HERC2: variants seen among roughly 807,000 people sequenced by gnomAD.
The protein encoded by HERC2 is E3 ubiquitin-protein ligase HERC2.
A neutral mutation model predicts 537.7 loss-of-function variants in HERC2; 102 were observed. The ratio of observed to expected loss-of-function variants is 0.19; its 90% CI spans 0.16 to 0.22. HERC2 has a LOEUF of 0.22. HERC2 is among the 10% of genes least tolerant of loss of function. The pLI is 1.00. For synonymous variants in HERC2, 2,224 were observed against 2,466.2 expected (o/e 0.90, Z 2.91); for missense variants, 4,236 against 6,198.2 (o/e 0.68, Z 10.63).
chr15:28,163,387 G>A (rs1204823101), intron 68 of HERC2, 102 bp from the exon 69 acceptor site: 7 of 1,040,314 alleles, frequency 6.7e-6, no homozygotes, highest in Non-Finnish European at 9.8e-6. Flanking sequence ...GAATACCAAC[G>A]AGTAAGAAAC....
At position 28,268,287 on chromosome 15, in the gene HERC2, T is replaced by C. The variant is rs2075624162; in HGVS notation, c.1598+178A>G. On this transcript the variant is annotated intron_variant, in intron 12 of 92. Transcript: ENST00000261609. This position sits in a 1 kb window ranked among gnomAD's most constrained non-coding sequence, Gnocchi z 4.7. ...GCCAATTCCCGTTGCCCTCCACACA[T>C]GGGCAGAGCTCCTAAGCCATCACCA... is the stretch of plus-strand genomic sequence containing the variant. Among the ~76,000 whole-genome samples the C allele has an allele frequency of 6.6e-6, 1 of 152,106 alleles. No homozygotes were observed. The highest frequency in any genetic ancestry group is 1.5e-5 in the Non-Finnish European group (1 of 68,028).
intron 37 of HERC2, 117 bp downstream of exon 37, chr15:28,220,335 C>T: frequency 2.2e-6 from 2 of 894,198 alleles, no homozygotes; most frequent in South Asian, 1.4e-5. Context: ...GAGGACAGAG[C>T]GCCAGCTGCA....
chr15:28,122,821 C>T lies in HERC2; in HGVS notation c.13188+1216G>A, dbSNP rs955992622. On this transcript the variant is annotated intron_variant, in intron 85 of 92. Coordinates refer to ENST00000261609, the MANE Select transcript of HERC2 (RefSeq NM_004667.6). The surrounding 1 kb of genome is among the most constrained non-coding windows in gnomAD (Gnocchi z 4.1). ...CCAGCAGGTGCCAGATGCTGCTGCC[C>T]ACCGCTCCCCTACCACACACCAGCT... Among the ~76,000 whole-genome samples the T allele has an allele frequency of 3.9e-5, 6 of 152,040 alleles. No homozygotes were observed. The highest frequency in any genetic ancestry group is 3.9e-4 in the Admixed American group (6 of 15,262).
At chr15:28,270,023 G>A (rs1338600463) in intron 10 of HERC2, among the ~76,000 whole-genome samples, 3 of 152,138 alleles carry the variant, frequency 2.0e-5, no homozygotes, top group Admixed American at 6.5e-5. Flanking sequence ...GTGCAATGGC[G>A]CGATCTTGGC....
chr15:28,217,373 C>A (rs1490816024), intron 38 of HERC2, among the ~76,000 whole-genome samples: 1 of 152,208 alleles, frequency 6.6e-6, no homozygotes, highest in Admixed American at 6.5e-5. Flanking sequence ...CACACCATCA[C>A]ACTTGCAACA....
At chr15:28,275,851 T>C (rs1055806248) in intron 5 of HERC2, among the ~76,000 whole-genome samples, 5 of 151,950 alleles carry the variant, frequency 3.3e-5, no homozygotes, top group Non-Finnish European at 7.4e-5. Context: ...CAGCAAGTAA[T>C]TGTATGTTAT....
At chr15:28,303,329 G>A (rs555972679) in intron 2 of HERC2, among the ~76,000 whole-genome samples, 28 of 152,210 alleles carry the variant, frequency 1.8e-4, no homozygotes, top group African/African-American at 6.0e-4. Flanking sequence ...GTATAGATCT[G>A]TTTCTGGGTT....
At chr15:28,127,652 C>T (rs1261748268) in intron 83 of HERC2, among the ~76,000 whole-genome samples, 1 of 152,226 alleles carries the variant, frequency 6.6e-6, no homozygotes, top group East Asian at 1.9e-4. Context: ...GATGCCAGGG[C>T]TCCTTGGAGA....
intron 4 of HERC2, among the ~76,000 whole-genome samples, chr15:28,287,713 A>G (rs1191974377): frequency 7.1e-6 from 1 of 141,240 alleles, no homozygotes; most frequent in Non-Finnish European, 1.5e-5. Context: ...TATTATACTT[A>G]TTCCTCTTTT....
intron 83 of HERC2, among the ~76,000 whole-genome samples, chr15:28,128,734 G>A (rs558128477): frequency 9.9e-5 from 15 of 152,242 alleles, no homozygotes; most frequent in African/African-American, 2.6e-4. Flanking sequence ...GGATCCTTTC[G>A]CTCTGCAGGT....
intron 35 of HERC2, among the ~76,000 whole-genome samples, 199 bp from the exon 36 acceptor site, chr15:28,222,414 A>G (rs1171873092): frequency 3.9e-5 from 6 of 152,104 alleles, no homozygotes; most frequent in Admixed American, 6.5e-5. Context: ...ATACATAAAT[A>G]TCCTAGGAAG....
In HERC2 at chr15:28,286,407, T is replaced by C. The variant is rs763614331; in HGVS notation, c.323-6120A>G. 2.5e-4 allele frequency among the ~76,000 whole-genome samples: 38 copies of C among 152,166 alleles called. No homozygotes were observed. In the Middle Eastern group the frequency reaches 0.017, roughly 68 times the overall value. ...AGAATTAAACAATATATAAAAAGAA[T>C]TCCACATCATTGCCAAGTAGTTTCA... is the stretch of plus-strand genomic sequence containing the variant. On this transcript the variant is annotated intron_variant, in intron 4 of 92. Transcript: ENST00000261609.
At chr15:28,199,911 A>C (rs1350054777) in intron 48 of HERC2, among the ~76,000 whole-genome samples, 2 of 152,224 alleles carry the variant, frequency 1.3e-5, no homozygotes, top group African/African-American at 4.8e-5. Context: ...TTCAGCTACA[A>C]ATAAACAGCA....
At chr15:28,148,148 A>T (rs1596053424) in intron 70 of HERC2, among the ~76,000 whole-genome samples, 1 of 152,338 alleles carries the variant, frequency 6.6e-6, no homozygotes, top group Admixed American at 6.5e-5. Flanking sequence ...GAACATTTCA[A>T]AACAAATTGA....
In HERC2 at chr15:28,167,841, G is replaced by A; in HGVS notation, c.10414-14C>T. On this transcript the variant is annotated splice_polypyrimidine_tract_variant and intron_variant, in intron 67 of 92. Coordinates refer to ENST00000261609, the MANE Select transcript of HERC2 (RefSeq NM_004667.6). ...AGAGGAAACAATCTAGTCCAAGAGT[G>A]CACAGTAGGGGAAGTTTAAGTGGAA... 6.3e-7 allele frequency: 1 copy of A among 1,596,708 alleles called. No homozygotes were observed.
intron 85 of HERC2, among the ~76,000 whole-genome samples, chr15:28,123,165 A>G (rs188595900): frequency 2.6e-5 from 4 of 152,288 alleles, no homozygotes; most frequent in Non-Finnish European, 1.5e-5. Flanking sequence ...TGAAAGTAAA[A>G]TGAATGTACC....
chr15:28,231,324 A>G (rs1901816262), intron 30 of HERC2, among the ~76,000 whole-genome samples: 1 of 152,118 alleles, frequency 6.6e-6, no homozygotes, highest in Admixed American at 6.6e-5. Flanking sequence ...AGCCCTTGGA[A>G]CATCCTGCCT....
At chr15:28,174,922 A>T (rs1895110125) in intron 64 of HERC2, among the ~76,000 whole-genome samples, 1 of 151,964 alleles carries the variant, frequency 6.6e-6, no homozygotes, top group African/African-American at 2.4e-5. Flanking sequence ...AAGTGTAATA[A>T]TTTTTTCCCT....
chr15:28,116,798 C>T lies in HERC2; in HGVS notation c.13476G>A (p.Glu4492=), dbSNP rs1235714691. 3 of 1,613,966 alleles carry T rather than the reference C, an allele frequency of 1.9e-6. No individual in the cohort carries two copies. Among genetic ancestry groups the T allele is most frequent in the Admixed American group, 3.3e-5 (2 of 60,020 alleles). ...YSESIAEICE[E]LQNGLTPLLI... Reference sequence around the variant, plus strand: ...GCAGGGGCGTGAGTCCGTTCTGCAGCTCCTCACAGATCTCAGCTATGGACT... The same window carrying T: ...GCAGGGGCGTGAGTCCGTTCTGCAGTTCCTCACAGATCTCAGCTATGGACT... The change falls in exon 88 of 93, where the codon GAG becomes GAA. Residue 4492 remains glutamate (E), a synonymous_variant. Transcript: ENST00000261609.
Sources: allele counts gnomAD v4.1 joint callset (sites outside exome capture counted in the v4.1 genomes callset), GRCh38; gene constraint gnomAD v4.1.1; non-coding constraint Gnocchi (gnomAD v3.1); transcripts MANE v1.5; gene names NCBI Gene and HGNC (gene_info 2026-07-23, HGNC 2026-07-21).